The following KCNH5 variants were observed in gnomAD, a reference collection of about 807,000 sequenced individuals.
KCNH5 encodes the protein potassium voltage-gated channel subfamily H member 5, also known as voltage-gated delayed rectifier potassium channel KCNH5.
In KCNH5, 46 loss-of-function variants were observed where a neutral mutation model predicts 96.1. That is an observed-to-expected ratio of 0.48 (90% CI 0.38 to 0.61). The LOEUF is 0.61. KCNH5 is among the 20% of genes least tolerant of loss of function. KCNH5 has a pLI of 0.00. For missense variants in KCNH5, 907 were observed against 1,225.8 expected, an observed-to-expected ratio of 0.74 and a Z score of 3.88; for synonymous variants, 439 against 449.8, an observed-to-expected ratio of 0.98 and a Z score of 0.30.
chr14:62,905,632 C>T (rs1889012353), intron 7 of KCNH5, among the ~76,000 whole-genome samples: 2 of 152,166 alleles, frequency 1.3e-5, no homozygotes, highest in African/African-American at 4.8e-5. Flanking sequence ...AATCCTGTCA[C>T]CTTCCCTGCT....
chr14:62,985,857 A>AT (rs963101949), intron 5 of KCNH5, among the ~76,000 whole-genome samples: 4 of 152,174 alleles, frequency 2.6e-5, no homozygotes, highest in African/African-American at 9.7e-5. Context: ...CAAACTTTGT[A>AT]TGCCCCAAAC....
At position 63,016,919 on chromosome 14, in the gene KCNH5, C is replaced by G; in HGVS notation, c.109G>C (p.Asp37His). Residue 37 changes from aspartate (D) to histidine (H), a missense_variant, in exon 2 of 11, where the codon GAT becomes CAT. Physicochemically the swap from Asp to His is moderately conservative, Grantham distance 81 (BLOSUM62 -1). Coordinates refer to ENST00000322893, the MANE Select transcript of KCNH5 (RefSeq NM_139318.5). The part of the protein sequence containing the change: ...SFLLGNAQIV[D>H]WPVVYSNDGF... ...TCATTACTATAAACTACAGGCCAAT[C>G]CACAATCTGGGCATTTCCCAGTAAG... is the stretch of plus-strand genomic sequence containing the variant. 1 of 1,606,248 alleles carries G rather than the reference C, an allele frequency of 6.2e-7. No homozygotes were observed.
intron 9 of KCNH5, among the ~76,000 whole-genome samples, chr14:62,798,624 A>G (rs1162399847): frequency 6.6e-6 from 1 of 152,248 alleles, no homozygotes; most frequent in Non-Finnish European, 1.5e-5. Flanking sequence ...AATTGAAAAA[A>G]GACATGAACT....
intron 5 of KCNH5, among the ~76,000 whole-genome samples, chr14:62,984,513 C>T (rs1392308275): frequency 6.6e-6 from 1 of 152,262 alleles, no homozygotes; most frequent in Non-Finnish European, 1.5e-5. Flanking sequence ...GAGCAAATTA[C>T]AAGAGTTTTG....
Position 63,045,376 on chromosome 14 carries a change from A to C in KCNH5, c.-190T>G. Reference sequence around the variant, plus strand: ...CGGATGAGCAGCTCTGGGGAGGAGGACCAGGCAGTTCATGGTAGTAGCGCT... The same window carrying C: ...CGGATGAGCAGCTCTGGGGAGGAGGCCCAGGCAGTTCATGGTAGTAGCGCT... On this transcript the variant is annotated 5_prime_UTR_variant, in exon 1 of 11. Coordinates refer to ENST00000322893, the MANE Select transcript of KCNH5 (RefSeq NM_139318.5). The C allele has an allele frequency of 1.6e-6, 1 of 614,614 alleles. No homozygotes were observed. The highest frequency in any genetic ancestry group is 2.9e-6 in the Non-Finnish European group (1 of 341,850). The allele number at this position is 614,614 out of a possible 1,614,324, so 38.1% of individuals were successfully genotyped here.
intron 8 of KCNH5, among the ~76,000 whole-genome samples, chr14:62,843,493 C>G (rs142448339): frequency 0.022 from 3,276 of 149,648 alleles, 58 homozygotes; most frequent in Non-Finnish European, 0.034. Flanking sequence ...CTCACTGCAG[C>G]CTCCTCCTCC....
chr14:62,984,629 T>A (rs1323050558), intron 5 of KCNH5, among the ~76,000 whole-genome samples: 2 of 152,158 alleles, frequency 1.3e-5, no homozygotes. Context: ...TAAATGTCTA[T>A]CGACAATCTT....
chr14:62,816,689 AAAT>A (rs1403931105), intron 8 of KCNH5, among the ~76,000 whole-genome samples: 1 of 152,064 alleles, frequency 6.6e-6, no homozygotes, highest in African/African-American at 2.4e-5. Flanking sequence ...ATGCATGCAT[AAAT>A]AATATATAAG....
intron 3 of KCNH5, among the ~76,000 whole-genome samples, chr14:63,003,226 C>T (rs1398015430): frequency 6.6e-6 from 1 of 151,298 alleles, no homozygotes; most frequent in Non-Finnish European, 1.5e-5. Flanking sequence ...CTTTCCAAGC[C>T]ACAGGGTCAT....
chr14:62,802,577 A>G lies in KCNH5; in HGVS notation c.1574T>C (p.Leu525Pro). 6.2e-7 allele frequency: 1 copy of G among 1,613,706 alleles called. No individual in the cohort carries two copies. Among genetic ancestry groups the G allele is most frequent in the Non-Finnish European group, 8.5e-7 (1 of 1,179,666 alleles). ...MSKGIDTEKV[L>P]SICPKDMRAD... ...TCTCATGTCCTTGGGACAGATGGAG[A>G]GGACCTAAAGAAGGTGAGAGATGAA... The change falls in exon 9 of 11, where the codon CTC becomes CCC. Residue 525 changes from leucine to proline, a missense_variant. Physicochemically the swap from Leu to Pro is moderately conservative, Grantham distance 98 (BLOSUM62 -3). Transcript: ENST00000322893.
intron 7 of KCNH5, among the ~76,000 whole-genome samples, chr14:62,891,957 C>T (rs148344153): frequency 6.6e-6 from 1 of 152,290 alleles, no homozygotes; most frequent in Non-Finnish European, 1.5e-5. Context: ...CTACTTGGGT[C>T]TCCCTGTTCC....
At chr14:63,000,415 T>C (rs1890989006) in intron 4 of KCNH5, among the ~76,000 whole-genome samples, 1 of 152,186 alleles carries the variant, frequency 6.6e-6, no homozygotes, top group African/African-American at 2.4e-5. Context: ...GGGAATAAAT[T>C]ACATAGAAAA....
chr14:62,799,320 T>C (rs528915436), intron 9 of KCNH5, among the ~76,000 whole-genome samples: 1 of 152,120 alleles, frequency 6.6e-6, no homozygotes, highest in Non-Finnish European at 1.5e-5. Context: ...CTGACACCTG[T>C]AATCCCAGCA....
intron 7 of KCNH5, among the ~76,000 whole-genome samples, chr14:62,883,259 G>A (rs1438614729): frequency 1.3e-5 from 2 of 152,180 alleles, no homozygotes; most frequent in Non-Finnish European, 2.9e-5. Context: ...AAGTTCAGGA[G>A]AATTCAATTA....
At chr14:62,850,418 G>C (rs766395612) in intron 7 of KCNH5, among the ~76,000 whole-genome samples, 7 of 152,182 alleles carry the variant, frequency 4.6e-5, no homozygotes, top group Admixed American at 6.5e-5. Context: ...AAGATAAAGA[G>C]GTTTGGAGTT....
intron 7 of KCNH5, among the ~76,000 whole-genome samples, chr14:62,878,579 A>C (rs1042717663): frequency 2.0e-5 from 3 of 152,162 alleles, no homozygotes; most frequent in Non-Finnish European, 2.9e-5. Flanking sequence ...GTGTATGAGA[A>C]AATATACAAA....
intron 10 of KCNH5, among the ~76,000 whole-genome samples, chr14:62,741,786 C>G (rs192045549): frequency 4.6e-5 from 7 of 152,072 alleles, no homozygotes; most frequent in African/African-American, 1.7e-4. Flanking sequence ...ACGGTAGCCT[C>G]TACATTTGTG....
At chr14:63,012,753 G>A (rs1019820091) in intron 2 of KCNH5, among the ~76,000 whole-genome samples, 1 of 151,862 alleles carries the variant, frequency 6.6e-6, no homozygotes, top group Admixed American at 6.6e-5. Context: ...ATCATACGGT[G>A]ACACAAAGAA....
rs2139638776 is a variant in KCNH5 at position 63,045,315 on chromosome 14, G to T, written c.-129C>A. ...CGAAAGAAGAGGGGGCGCGGCGGCG[G>T]CGACGGGGTCCCCTGACTGTGTCTC... On this transcript the variant is annotated 5_prime_UTR_variant, in exon 1 of 11. Coordinates refer to ENST00000322893, the MANE Select transcript of KCNH5 (RefSeq NM_139318.5). The T allele has an allele frequency of 1.4e-6, 1 of 733,974 alleles. No individual in the cohort carries two copies. The highest frequency in any genetic ancestry group is 2.7e-5 in the East Asian group (1 of 37,496). 45.5% of individuals were successfully genotyped at this position (733,974 alleles called of 1,614,324 possible).
Sources: gnomAD v4.1 joint callset for allele counts (sites outside exome capture counted in the v4.1 genomes callset) on GRCh38, gnomAD v4.1.1 for gene constraint, MANE v1.5 for transcripts, NCBI Gene and HGNC (gene_info 2026-07-23, HGNC 2026-07-21) for gene names.